The following KATNIP variants were observed in gnomAD, a reference collection of about 807,000 sequenced individuals.
KATNIP encodes katanin-interacting protein.
In KATNIP, 126 loss-of-function variants were observed where a neutral mutation model predicts 174.0. The observed-to-expected ratio is 0.72, with a 90% CI of 0.63 to 0.84. KATNIP has a LOEUF of 0.84. Ranked by LOEUF, KATNIP falls within the 40% of genes least tolerant of loss-of-function variation. KATNIP has a pLI of 0.00. For synonymous variants in KATNIP, 810 were observed against 835.7 expected, an observed-to-expected ratio of 0.97 and a Z score of 0.53; for missense variants, 1,958 against 2,109.7, an observed-to-expected ratio of 0.93 and a Z score of 1.41.
intron 2 of KATNIP, among the ~76,000 whole-genome samples, chr16:27,574,882 G>A (rs781084903): frequency 6.6e-6 from 1 of 152,148 alleles, no homozygotes; most frequent in Non-Finnish European, 1.5e-5. Flanking sequence ...AGGTCACAAG[G>A]TCCCAGATTC....
At chr16:27,765,056 G>T (rs1034634726) in intron 19 of KATNIP, among the ~76,000 whole-genome samples, 3 of 152,158 alleles carry the variant, frequency 2.0e-5, no homozygotes, top group African/African-American at 7.2e-5. Context: ...AGGAAATGTG[G>T]CAGCAGGCCA....
rs78024746 is a variant in KATNIP at position 27,584,099 on chromosome 16, G to A, written c.63+10143G>A. On this transcript the variant is annotated intron_variant, in intron 2 of 27. Coordinates refer to ENST00000261588, the MANE Select transcript of KATNIP (RefSeq NM_015202.5). Reference sequence around the variant, plus strand: ...GTGGCAGCACCTGTCTCACTAGGTGGTCAGGGTGCCTAGAACAGTGCCCTA... The same window carrying A: ...GTGGCAGCACCTGTCTCACTAGGTGATCAGGGTGCCTAGAACAGTGCCCTA... Among the ~76,000 whole-genome samples the A allele has an allele frequency of 1.9e-3, 293 of 152,258 alleles. 4 individuals carry two copies. In the East Asian group the frequency reaches 0.048, roughly 25 times the overall value.
At chr16:27,609,378 CTTTTTTTT>C (rs35339029) in intron 2 of KATNIP, among the ~76,000 whole-genome samples, 1 of 55,634 alleles carries the variant, frequency 1.8e-5, no homozygotes, top group Non-Finnish European at 3.0e-5. Context: ...TGAGTTAAGT[CTTTTTTTT>C]TTTTTTTTTT....
intron 5 of KATNIP, among the ~76,000 whole-genome samples, chr16:27,641,457 T>C (rs143961205): frequency 6.6e-6 from 1 of 152,186 alleles, no homozygotes; most frequent in East Asian, 1.9e-4. Flanking sequence ...AATCGCATGC[T>C]CTGATTGGCT....
chr16:27,713,742 ATAT>A (rs1247649698), intron 13 of KATNIP, among the ~76,000 whole-genome samples: 14 of 143,826 alleles, frequency 9.7e-5, no homozygotes, highest in African/African-American at 3.3e-4. Flanking sequence ...ATACACATAC[ATAT>A]TATATATATG....
At chr16:27,703,814 G>T (rs966216502) in intron 11 of KATNIP, 82 bp from the exon 12 acceptor site, 4 of 1,030,438 alleles carry the variant, frequency 3.9e-6, no homozygotes, top group African/African-American at 1.6e-5. Flanking sequence ...TCCTATCCCC[G>T]AGTGCAGCAC....
chr16:27,712,241 G>T (rs2079606581), intron 13 of KATNIP, among the ~76,000 whole-genome samples: 1 of 152,156 alleles, frequency 6.6e-6, no homozygotes, highest in South Asian at 2.1e-4. Context: ...TGGGCTGCTG[G>T]GTCTCTGGGC....
At position 27,648,750 on chromosome 16, in the gene KATNIP, G is replaced by A; in HGVS notation, c.540+15G>A. On this transcript the variant is annotated intron_variant, in intron 6 of 27. Coordinates refer to ENST00000261588, the MANE Select transcript of KATNIP (RefSeq NM_015202.5). The stretch of plus-strand genomic sequence containing the variant: ...ATCGTCCGCAGGTAGGGATGGCCTT[G>A]GCCTTGTGCTCGGGACACCTGAAGG... 1.2e-6 allele frequency: 2 copies of A among 1,611,142 alleles called. No individual in the cohort carries two copies. The highest frequency in any genetic ancestry group is 1.7e-6 in the Non-Finnish European group (2 of 1,178,756).
chr16:27,559,654 C>T (rs888231338), intron 1 of KATNIP, among the ~76,000 whole-genome samples: 6 of 148,356 alleles, frequency 4.0e-5, no homozygotes, highest in Non-Finnish European at 8.9e-5. Flanking sequence ...GCACTCTAGC[C>T]TGGGCAACAG....
At chr16:27,715,100 A>G (rs2079868770) in intron 13 of KATNIP, among the ~76,000 whole-genome samples, 1 of 152,266 alleles carries the variant, frequency 6.6e-6, no homozygotes, top group Non-Finnish European at 1.5e-5. Context: ...AGACATATAG[A>G]TCAATGAAAT....
At chr16:27,680,200 T>C (rs1439453466) in intron 7 of KATNIP, among the ~76,000 whole-genome samples, 1 of 152,162 alleles carries the variant, frequency 6.6e-6, no homozygotes, top group Non-Finnish European at 1.5e-5. Context: ...CCCAGCACAT[T>C]GCAGCCCCTC....
At chr16:27,665,412 C>G (rs1316085615) in intron 6 of KATNIP, among the ~76,000 whole-genome samples, 1 of 151,102 alleles carries the variant, frequency 6.6e-6, no homozygotes, top group Non-Finnish European at 1.5e-5. Flanking sequence ...GCATGCTTCC[C>G]CCTTTACTAA....
At chr16:27,679,609 A>G (rs2142784815) in intron 7 of KATNIP, among the ~76,000 whole-genome samples, 1 of 152,150 alleles carries the variant, frequency 6.6e-6, no homozygotes, top group Non-Finnish European at 1.5e-5. Flanking sequence ...AAAATTAGCC[A>G]GACGTAGTAG....
At chr16:27,749,216 A>G (rs2081399494) in intron 15 of KATNIP, among the ~76,000 whole-genome samples, 1 of 152,258 alleles carries the variant, frequency 6.6e-6, no homozygotes, top group Admixed American at 6.5e-5. Flanking sequence ...TAGAAAATTC[A>G]GTCTATGAAA....
chr16:27,565,414 C>A (rs186018608), intron 1 of KATNIP, among the ~76,000 whole-genome samples: 9 of 144,450 alleles, frequency 6.2e-5, no homozygotes, highest in Admixed American at 5.7e-4. Context: ...TGCAGTGAGG[C>A]GAGATTGCGC....
rs1166744671 is a variant in KATNIP at position 27,773,093 on chromosome 16, TC to T, written c.4199-3del. The T allele has an allele frequency of 1.9e-6, 3 of 1,564,494 alleles. No homozygotes were observed. Among genetic ancestry groups the T allele is most frequent in the Middle Eastern group, 3.4e-4 (2 of 5,956 alleles). ...AAGCCTTCTTTTCCTTAATAAAGTG[TC>T]CCAGTCATTTTCCAGTTTCAGCTTC... On this transcript the variant is annotated splice_region_variant and splice_polypyrimidine_tract_variant and intron_variant, in intron 22 of 27. Transcript: ENST00000261588.
At chr16:27,657,384 A>G (rs2077334619) in intron 6 of KATNIP, among the ~76,000 whole-genome samples, 1 of 152,178 alleles carries the variant, frequency 6.6e-6, no homozygotes, top group Non-Finnish European at 1.5e-5. Flanking sequence ...CTAGCACATT[A>G]AAGAGGAGAG....
chr16:27,636,209 C>A (rs1473471873), intron 5 of KATNIP, among the ~76,000 whole-genome samples: 1 of 152,146 alleles, frequency 6.6e-6, no homozygotes, highest in Non-Finnish European at 1.5e-5. Flanking sequence ...GTCTGGCCCC[C>A]ACGCTGGGCC....
chr16:27,682,796 G>A (rs1014316193), intron 8 of KATNIP, among the ~76,000 whole-genome samples: 2 of 152,146 alleles, frequency 1.3e-5, no homozygotes, highest in African/African-American at 2.4e-5. Context: ...CCTTTAAGAT[G>A]TGAAGAGGTC....
Sources: allele counts gnomAD v4.1 joint callset (sites outside exome capture counted in the v4.1 genomes callset), GRCh38; gene constraint gnomAD v4.1.1; transcripts MANE v1.5; gene names NCBI Gene and HGNC (gene_info 2026-07-23, HGNC 2026-07-21).